Variants in CACNA1I observed in about 807,000 individuals in gnomAD.
CACNA1I encodes voltage-dependent T-type calcium channel subunit alpha-1I.
CACNA1I carries 74 observed loss-of-function variants against 201.6 expected under a neutral mutation model. The observed-to-expected ratio is 0.37, with a 90% CI of 0.30 to 0.45. The LOEUF (loss-of-function observed/expected upper bound fraction) is 0.45, where lower values mean the gene tolerates loss of function less well. Ranked by LOEUF, CACNA1I falls within the 20% of genes least tolerant of loss-of-function variation. The pLI is 1.00. For missense variants in CACNA1I, 2,346 were observed against 3,138.1 expected (o/e 0.75, Z 6.03); for synonymous variants, 1,431 against 1,345.2 (o/e 1.06, Z -1.40).
chr22:39,660,810 G>A (rs1934983428), intron 15 of CACNA1I, among the ~76,000 whole-genome samples: 2 of 152,240 alleles, frequency 1.3e-5, no homozygotes. Context: ...GGTAACTGGG[G>A]CGGACAGTCC....
rs184202725 is a variant in CACNA1I at position 39,598,728 on chromosome 22, C to T, written c.348+466C>T. ...AAGTTCACACCCTGCCCTAGATGCCCTTTAGGAGCGGGCCTCTGGTTTTAC... is the reference window on the plus strand; with the variant it reads ...AAGTTCACACCCTGCCCTAGATGCCTTTTAGGAGCGGGCCTCTGGTTTTAC... On this transcript the variant is annotated intron_variant, in intron 2 of 36. Transcript: ENST00000402142. Among the ~76,000 whole-genome samples the T allele has an allele frequency of 3.6e-3, 550 of 152,172 alleles. 4 individuals carry two copies. The highest frequency in any genetic ancestry group is 6.6e-3 in the Non-Finnish European group (450 of 68,018).
chr22:39,671,033 G>T (rs1329792063), intron 26 of CACNA1I, 79 bp downstream of exon 26: 4 of 1,396,640 alleles, frequency 2.9e-6, no homozygotes, highest in Non-Finnish European at 4.0e-6. Flanking sequence ...CAGGGATAGG[G>T]TGGGGAAGGG....
At chr22:39,647,551 A>G (rs136827) in intron 8 of CACNA1I, among the ~76,000 whole-genome samples, 22,386 of 152,204 alleles carry the variant, frequency 0.15, 1,987 homozygotes, top group Middle Eastern at 0.24. Context: ...AGCTGGGACT[A>G]CAGGCATGCA....
Position 39,679,815 on chromosome 22 carries a change from C to T in CACNA1I, c.5488C>T (p.His1830Tyr), listed in dbSNP as rs971293720. The change falls in exon 33 of 37, where the codon CAC (histidine) becomes TAC (tyrosine). Residue 1830 changes from histidine (H) to tyrosine (Y), a missense_variant. His to Tyr is a moderately conservative substitution (Grantham distance 83). This residue lies in a region of CACNA1I where 441 missense variants were observed against 555.6 expected (regional missense o/e 0.79). Coordinates refer to ENST00000402142, the MANE Select transcript of CACNA1I (RefSeq NM_021096.4). ...CGACAACCTGTCGGGCTCCATCTTC[C>T]ACCACTACTCCTCGCCTGCCGGCTG... ...IIDNLSGSIF[H>Y]HYSSPAGCKK... is the part of the protein sequence containing the mutation. 4.3e-6 allele frequency: 7 copies of T among 1,612,982 alleles called. No homozygotes were observed. In the East Asian group the frequency reaches 1.6e-4, roughly 36 times the overall value.
chr22:39,643,359 A>T (rs1934396866), intron 7 of CACNA1I: 1 of 155,944 alleles, frequency 6.4e-6, no homozygotes, highest in South Asian at 1.9e-4. Context: ...TCTCAGAGGG[A>T]CTCCCATCTC....
Position 39,661,098 on chromosome 22 carries a change from A to C in CACNA1I, c.2699-10A>C. The C allele has an allele frequency of 6.2e-7, 1 of 1,608,174 alleles. No individual in the cohort carries two copies. Among genetic ancestry groups the C allele is most frequent in the African/African-American group, 1.4e-5 (1 of 73,988 alleles). On this transcript the variant is annotated splice_polypyrimidine_tract_variant and intron_variant, in intron 15 of 36. Transcript: ENST00000402142. ...CTGTCCCTCCCTCTGTCTCCATCTC[A>C]CTCCTCCAGATCCCAAGCTCTGCCC...
At position 39,679,405 on chromosome 22, in the gene CACNA1I, C is replaced by T; in HGVS notation, c.5354C>T (p.Thr1785Ile). The T allele has an allele frequency of 2.1e-6, 3 of 1,448,134 alleles. No individual in the cohort carries two copies. The highest frequency in any genetic ancestry group is 1.5e-5 in the South Asian group (1 of 68,878). The allele number at this position is 1,448,134 out of a possible 1,614,324, so 89.7% of individuals were successfully genotyped here. A position where few individuals can be genotyped will look rare whatever the true frequency, so the allele number is the denominator to read the frequency against. The stretch of plus-strand genomic sequence containing the variant: ...GGAGGGGCGGGCGGCGGGGGCGACA[C>T]CGAGGGCGGCTTGTGCCGGCGCTGC... ...GPGGAGGGGD[T>I]EGGLCRRCYS... The change falls in exon 32 of 37, where the codon ACC becomes ATC. Residue 1785 changes from threonine (T) to isoleucine (I), a missense_variant. Transcript: ENST00000402142.
At chr22:39,600,421 C>T (rs1932998992) in intron 2 of CACNA1I, 99 bp from the exon 3 acceptor site, 2 of 968,492 alleles carry the variant, frequency 2.1e-6, no homozygotes, top group East Asian at 2.6e-5. Context: ...AGGCCCCTTG[C>T]ATCCATGTGG....
In CACNA1I at chr22:39,629,872, C is replaced by T. The variant is rs374739903; in HGVS notation, c.581-4693C>T. Among the ~76,000 whole-genome samples, 3 of 152,112 alleles carry T rather than the reference C, an allele frequency of 2.0e-5. No homozygotes were observed. The highest frequency in any genetic ancestry group is 2.9e-5 in the Non-Finnish European group (2 of 68,000). On this transcript the variant is annotated intron_variant, in intron 4 of 36. Coordinates refer to ENST00000402142, the MANE Select transcript of CACNA1I (RefSeq NM_021096.4). The surrounding 1 kb of genome is among the most constrained non-coding windows in gnomAD (Gnocchi z 4.8). The stretch of plus-strand genomic sequence containing the variant: ...CTCTCTCTCCTCTGCCCTGGCCCCC[C>T]GCGATCCATTCTCCACCCAGCAGCC...
rs376969520 is a variant in CACNA1I, at chr22:39,678,120, C to A, written c.5055+12C>A. ...ACGGGATCATGAAGGTACTCCTGGG[C>A]GGGCTGGGGTGGAGAAATCAGCCAG... On this transcript the variant is annotated intron_variant, in intron 31 of 36. Coordinates refer to ENST00000402142, the MANE Select transcript of CACNA1I (RefSeq NM_021096.4). The A allele has an allele frequency of 3.1e-6, 5 of 1,608,796 alleles. 1 individual carries two copies. In the East Asian group the frequency reaches 1.1e-4, roughly 36 times the overall value.
chr22:39,607,847 G>A (rs1010969161), intron 3 of CACNA1I, among the ~76,000 whole-genome samples: 38 of 151,570 alleles, frequency 2.5e-4, no homozygotes, highest in South Asian at 2.1e-4. Context: ...AAATTAGTCC[G>A]GGTGCGGTGG....
Position 39,629,543 on chromosome 22 carries a change from G to GGCCAGGCAGA in CACNA1I, c.581-5013_581-5012insAGCCAGGCAG, listed in dbSNP as rs1933996029. On this transcript the variant is annotated intron_variant, in intron 4 of 36. Transcript: ENST00000402142. The surrounding 1 kb of genome is among the most constrained non-coding windows in gnomAD (Gnocchi z 4.8). ...TGATGAATGTATGACGGCCAGGCAG[G>GGCCAGGCAGA]GCCAGGCAGGACGGAGAGGAGCAGG... is the stretch of plus-strand genomic sequence containing the variant. Among the ~76,000 whole-genome samples the GGCCAGGCAGA allele has an allele frequency of 6.6e-6, 1 of 152,086 alleles. No individual in the cohort carries two copies. Among genetic ancestry groups the GGCCAGGCAGA allele is most frequent in the African/African-American group, 2.4e-5 (1 of 41,398 alleles).
rs916756099 is a variant in CACNA1I, at chr22:39,629,215, C to T, written c.581-5350C>T. 6.6e-5 allele frequency among the ~76,000 whole-genome samples: 10 copies of T among 152,096 alleles called. No homozygotes were observed. Among genetic ancestry groups the T allele is most frequent in the South Asian group, 4.2e-4 (2 of 4,816 alleles). On this transcript the variant is annotated intron_variant, in intron 4 of 36. Transcript: ENST00000402142. The surrounding 1 kb of genome is among the most constrained non-coding windows in gnomAD (Gnocchi z 4.8). ...GTCCTCACCCTGGTGCTCCACATGA[C>T]GCTCCCGGGCCAGACTGTTCTCCCC... is the stretch of plus-strand genomic sequence containing the variant.
At chr22:39,662,632 G>A in intron 17 of CACNA1I, 144 bp from the exon 18 acceptor site, 4 of 713,816 alleles carry the variant, frequency 5.6e-6, no homozygotes, top group Non-Finnish European at 9.5e-6. Context: ...CCGGCTCCTG[G>A]GAGAGAAGCC....
At chr22:39,616,373 C>G (rs1469313776) in intron 3 of CACNA1I, among the ~76,000 whole-genome samples, 3 of 152,160 alleles carry the variant, frequency 2.0e-5, no homozygotes, top group Admixed American at 6.5e-5. Context: ...CGTGGGCCCC[C>G]CCTTTGACAT....
At chr22:39,572,285 G>C (rs1932210224) in intron 1 of CACNA1I, among the ~76,000 whole-genome samples, 1 of 152,130 alleles carries the variant, frequency 6.6e-6, no homozygotes, top group African/African-American at 2.4e-5. Context: ...CTTGTGGTTT[G>C]AGGGTCCCAC....
intron 3 of CACNA1I, among the ~76,000 whole-genome samples, chr22:39,612,899 A>G (rs1185782373): frequency 6.6e-6 from 1 of 152,064 alleles, no homozygotes; most frequent in Non-Finnish European, 1.5e-5. Flanking sequence ...GTCCCCGGAT[A>G]TTGGCAATGG....
At chr22:39,642,677 T>C in intron 6 of CACNA1I, 120 bp from the exon 7 acceptor site, 1 of 673,320 alleles carries the variant, frequency 1.5e-6, no homozygotes, top group Non-Finnish European at 2.6e-6. Flanking sequence ...TGAGACAGAC[T>C]CGAGGCAGCA....
At chr22:39,655,214 C>T (rs777477223) in intron 10 of CACNA1I, among the ~76,000 whole-genome samples, 17 of 152,052 alleles carry the variant, frequency 1.1e-4, no homozygotes, top group Non-Finnish European at 1.6e-4. Context: ...GCCTAATCAA[C>T]GCTAGCTGCC....
Sources: gnomAD v4.1 joint callset for allele counts (sites outside exome capture counted in the v4.1 genomes callset) on GRCh38, gnomAD v4.1.1 for gene constraint, gnomAD v4.1.1 regional missense constraint, Gnocchi (gnomAD v3.1) non-coding constraint, MANE v1.5 for transcripts, NCBI Gene and HGNC (gene_info 2026-07-23, HGNC 2026-07-21) for gene names.